The following PACRG variants were observed in gnomAD, a reference collection of about 807,000 sequenced individuals.
PACRG encodes the protein parkin coregulated.
Under a neutral mutation model 29.7 loss-of-function variants are expected in PACRG, and 29 were observed. The observed-to-expected ratio is 0.98, with a 90% CI of 0.73 to 1.33. The LOEUF is 1.33. Ranked by LOEUF, PACRG falls within the 40% of genes most tolerant of loss-of-function variation. PACRG has a pLI of 0.00. For missense variants in PACRG, 279 were observed against 316.2 expected (o/e 0.88, Z 0.89); for synonymous variants, 116 against 118.7 (o/e 0.98, Z 0.15).
chr6:163,137,383 A>G (rs367980413), intron 4 of PACRG, among the ~76,000 whole-genome samples: 3 of 152,098 alleles, frequency 2.0e-5, no homozygotes, highest in East Asian at 3.9e-4. Flanking sequence ...TTCGCTTGCC[A>G]GTCCTCGGCA....
intron 2 of PACRG, among the ~76,000 whole-genome samples, chr6:162,863,163 G>A (rs907906220): frequency 2.6e-5 from 4 of 152,152 alleles, no homozygotes; most frequent in African/African-American, 7.2e-5. Context: ...AGCCGTCTGC[G>A]TGCACTCTTG....
At chr6:163,124,033 T>C (rs1816414507) in intron 4 of PACRG, among the ~76,000 whole-genome samples, 1 of 152,246 alleles carries the variant, frequency 6.6e-6, no homozygotes, top group African/African-American at 2.4e-5. Flanking sequence ...TATGGTATTC[T>C]ATTTTAATTT....
intron 1 of PACRG, among the ~76,000 whole-genome samples, chr6:162,796,268 T>G (rs1302199793): frequency 6.6e-6 from 1 of 152,146 alleles, no homozygotes; most frequent in Non-Finnish European, 1.5e-5. Context: ...TCTCTCTGGG[T>G]CACTTTGTTT....
chr6:162,804,642 C>T (rs1002008748), intron 1 of PACRG, among the ~76,000 whole-genome samples: 54 of 152,090 alleles, frequency 3.6e-4, no homozygotes, highest in Admixed American at 5.9e-4. Flanking sequence ...CATTGAAATG[C>T]AGACCATTCA....
At chr6:163,048,386 AT>A (rs1257257187) in intron 2 of PACRG, among the ~76,000 whole-genome samples, 1 of 152,162 alleles carries the variant, frequency 6.6e-6, no homozygotes, top group African/African-American at 2.4e-5. Flanking sequence ...AAATTATCTT[AT>A]TTGTCTTCCT....
intron 2 of PACRG, among the ~76,000 whole-genome samples, chr6:163,042,224 T>G (rs952858960): frequency 2.0e-5 from 3 of 152,042 alleles, no homozygotes; most frequent in African/African-American, 7.2e-5. Context: ...CCATGGAAGA[T>G]CACAACAAAG....
At chr6:162,960,956 C>T (rs185608886) in intron 2 of PACRG, among the ~76,000 whole-genome samples, 4 of 64,112 alleles carry the variant, frequency 6.2e-5, no homozygotes, top group East Asian at 9.4e-4. Flanking sequence ...GACTGTAATG[C>T]GTTAACCTGG....
At chr6:163,131,335 A>AAAG (rs1816733062) in intron 4 of PACRG, among the ~76,000 whole-genome samples, 1 of 151,494 alleles carries the variant, frequency 6.6e-6, no homozygotes, top group Non-Finnish European at 1.5e-5. Context: ...AAAAAAAAAA[A>AAAG]AAGAAGAAGA....
intron 4 of PACRG, among the ~76,000 whole-genome samples, chr6:163,117,690 G>A (rs1816071032): frequency 6.6e-6 from 1 of 151,380 alleles, no homozygotes; most frequent in African/African-American, 2.4e-5. Flanking sequence ...GGCGGAGGTG[G>A]CAGTGAGCCG....
chr6:163,245,711 T>C (rs1324123436), intron 4 of PACRG, among the ~76,000 whole-genome samples: 1 of 152,158 alleles, frequency 6.6e-6, no homozygotes, highest in Non-Finnish European at 1.5e-5. Context: ...CTAACTCCTG[T>C]GTCCGACTTC....
intron 4 of PACRG, among the ~76,000 whole-genome samples, chr6:163,217,815 TCCCATCAC>T (rs1220396104): frequency 6.6e-6 from 1 of 151,716 alleles, no homozygotes; most frequent in African/African-American, 2.4e-5. Flanking sequence ...TGCCACTGTC[TCCCATCAC>T]CCCATCACAG....
intron 4 of PACRG, among the ~76,000 whole-genome samples, chr6:163,252,961 A>G (rs1782967203): frequency 6.6e-6 from 1 of 152,158 alleles, no homozygotes; most frequent in Non-Finnish European, 1.5e-5. Flanking sequence ...GCTTTGACCT[A>G]TTCAGATGTC....
intron 1 of PACRG, among the ~76,000 whole-genome samples, chr6:162,774,773 A>C (rs952135910): frequency 1.3e-5 from 2 of 151,984 alleles, no homozygotes; most frequent in Non-Finnish European, 2.9e-5. Context: ...GGAATTAATC[A>C]CTCTTCTACT....
chr6:162,948,087 A>G (rs1799377746), intron 2 of PACRG, among the ~76,000 whole-genome samples: 1 of 152,084 alleles, frequency 6.6e-6, no homozygotes, highest in South Asian at 2.1e-4. Context: ...GAATAGCCGA[A>G]GCAATCCTGA....
rs139388500 is a variant in PACRG, at chr6:163,037,117, G to A, written c.292-25033G>A. Among the ~76,000 whole-genome samples, 18 of 152,272 alleles carry A rather than the reference G, an allele frequency of 1.2e-4. No homozygotes were observed. In the South Asian group the frequency reaches 2.3e-3, roughly 19 times the overall value. ...AACACTGTAACCCTCTTTGTCATCCGTAACTGTTCTCTTCTTGCTTTGGAG... is the reference window on the plus strand; with the variant it reads ...AACACTGTAACCCTCTTTGTCATCCATAACTGTTCTCTTCTTGCTTTGGAG... On this transcript the variant is annotated intron_variant, in intron 2 of 4. Transcript: ENST00000366888.
intron 4 of PACRG, among the ~76,000 whole-genome samples, chr6:163,140,416 A>G (rs1817106485): frequency 6.6e-6 from 1 of 152,148 alleles, no homozygotes; most frequent in Non-Finnish European, 1.5e-5. Context: ...TGCTGCTCAG[A>G]GGCAGAGGCC....
chr6:163,042,849 A>C, intron 2 of PACRG: 1 of 152,196 alleles, frequency 6.6e-6, no homozygotes, highest in East Asian at 1.9e-4. Context: ...ATTATCAATA[A>C]ATTTTACATC....
intron 4 of PACRG, among the ~76,000 whole-genome samples, chr6:163,269,951 G>C (rs1234849888): frequency 0.017 from 771 of 44,114 alleles, 65 homozygotes; most frequent in East Asian, 0.06. Context: ...AAGAAAGAAA[G>C]AAAGAAAGAA....
chr6:162,787,578 GTGTGTATATATATATATATA>G (rs1784581438), intron 1 of PACRG, among the ~76,000 whole-genome samples: 2 of 51,452 alleles, frequency 3.9e-5, no homozygotes, highest in African/African-American at 2.1e-4. Context: ...GTGTGTGTGT[GTGTGTATATATATATATATA>G]TATATATATA....
Sources: allele counts gnomAD v4.1 joint callset (sites outside exome capture counted in the v4.1 genomes callset), GRCh38; gene constraint gnomAD v4.1.1; transcripts MANE v1.5; gene names NCBI Gene and HGNC (gene_info 2026-07-23, HGNC 2026-07-21).